The following LUZP2 variants were observed in gnomAD, a reference collection of about 807,000 sequenced individuals.
The protein encoded by LUZP2 is leucine zipper protein 2.
LUZP2 carries 52 observed loss-of-function variants against 51.6 expected under a neutral mutation model. The ratio of observed to expected loss-of-function variants is 1.01; its 90% confidence interval spans 0.81 to 1.27. The LOEUF (loss-of-function observed/expected upper bound fraction) is 1.27, where lower values mean the gene tolerates loss of function less well. Ranked by LOEUF, LUZP2 falls within the 50% of genes most tolerant of loss-of-function variation. The pLI, the probability that LUZP2 is intolerant of heterozygous loss-of-function variation, is 0.00. For missense variants in LUZP2, 436 were observed against 395.4 expected (o/e 1.10, Z -0.87); for synonymous variants, 154 against 137.3 (o/e 1.12, Z -0.85).
intron 1 of LUZP2, among the ~76,000 whole-genome samples, chr11:24,645,338 G>GT (rs1427240982): frequency 1.3e-5 from 2 of 152,128 alleles, no homozygotes; most frequent in Non-Finnish European, 2.9e-5. Flanking sequence ...TAACTCATTT[G>GT]TTTGAAGGCC....
At chr11:24,606,141 T>TTATGTG (rs1257201463) in intron 1 of LUZP2, among the ~76,000 whole-genome samples, 2 of 151,768 alleles carry the variant, frequency 1.3e-5, no homozygotes, top group Non-Finnish European at 3.0e-5. Flanking sequence ...TACCACACAT[T>TTATGTG]TATGTGTATG....
chr11:24,898,960 T>C (rs1853181391), intron 5 of LUZP2, among the ~76,000 whole-genome samples: 1 of 152,032 alleles, frequency 6.6e-6, no homozygotes, highest in South Asian at 2.1e-4. Flanking sequence ...AAAAGATTCT[T>C]TTCTACCTGT....
At chr11:24,574,224 CTTT>C (rs1318557172) in intron 1 of LUZP2, among the ~76,000 whole-genome samples, 1 of 1,772 alleles carries the variant, frequency 5.6e-4, no homozygotes, top group Non-Finnish European at 4.7e-3. Flanking sequence ...TTCTTTCTTT[CTTT>C]CTTTCTTTCT....
At chr11:24,877,538 C>T (rs1400144528) in intron 5 of LUZP2, among the ~76,000 whole-genome samples, 1 of 152,066 alleles carries the variant, frequency 6.6e-6, no homozygotes, top group African/African-American at 2.4e-5. Context: ...AAAGTAATCA[C>T]ATCATGGAAA....
chr11:24,981,756 C>G (rs576000444), intron 8 of LUZP2, among the ~76,000 whole-genome samples: 2 of 151,766 alleles, frequency 1.3e-5, no homozygotes, highest in East Asian at 3.9e-4. Flanking sequence ...GCTATGGCAA[C>G]GATTCTAAAT....
chr11:24,558,883 T>A (rs1379441931), intron 1 of LUZP2, among the ~76,000 whole-genome samples: 1 of 152,192 alleles, frequency 6.6e-6, no homozygotes, highest in Non-Finnish European at 1.5e-5. Flanking sequence ...TGGCTTGATC[T>A]TGGAATTTCC....
chr11:24,602,018 A>G (rs1454761609), intron 1 of LUZP2, among the ~76,000 whole-genome samples: 2 of 138,888 alleles, frequency 1.4e-5, no homozygotes, highest in Admixed American at 7.5e-5. Flanking sequence ...GTATATATGT[A>G]TATATGTGTA....
At chr11:24,965,251 A>C (rs1270374245) in intron 7 of LUZP2, among the ~76,000 whole-genome samples, 1 of 148,022 alleles carries the variant, frequency 6.8e-6, no homozygotes, top group Non-Finnish European at 1.5e-5. Context: ...ATGTAATTCA[A>C]GTTTATGAAT....
At chr11:24,919,973 A>C (rs1421088558) in intron 7 of LUZP2, among the ~76,000 whole-genome samples, 1 of 151,798 alleles carries the variant, frequency 6.6e-6, no homozygotes, top group Non-Finnish European at 1.5e-5. Flanking sequence ...TAAGTCCTAC[A>C]CAACCATGAC....
intron 9 of LUZP2, among the ~76,000 whole-genome samples, chr11:25,025,328 G>A (rs1213642436): frequency 6.6e-6 from 1 of 152,130 alleles, no homozygotes; most frequent in Admixed American, 6.5e-5. Context: ...CTTCTGCACA[G>A]CAAAAGAAAC....
intron 7 of LUZP2, among the ~76,000 whole-genome samples, chr11:24,928,653 G>C (rs929501823): frequency 6.6e-6 from 1 of 151,978 alleles, no homozygotes; most frequent in Non-Finnish European, 1.5e-5. Flanking sequence ...AAGGATTTTT[G>C]CATCTGTGTT....
chr11:24,907,500 G>A (rs1020901101), intron 6 of LUZP2, among the ~76,000 whole-genome samples: 8 of 151,746 alleles, frequency 5.3e-5, no homozygotes, highest in Admixed American at 2.6e-4. Flanking sequence ...TCATTTCTTT[G>A]TATTTTTCTA....
At chr11:24,658,184 G>T (rs1314243880) in intron 1 of LUZP2, among the ~76,000 whole-genome samples, 1 of 152,116 alleles carries the variant, frequency 6.6e-6, no homozygotes, top group East Asian at 1.9e-4. Flanking sequence ...ATGCTACAAG[G>T]CTACAGTAAC....
chr11:24,947,198 G>C (rs1275684035), intron 7 of LUZP2, among the ~76,000 whole-genome samples: 2 of 151,900 alleles, frequency 1.3e-5, no homozygotes, highest in Non-Finnish European at 2.9e-5. Flanking sequence ...TTTGAAAAAT[G>C]AGCATATTAT....
chr11:25,001,070 A>G (rs150326230), intron 9 of LUZP2, among the ~76,000 whole-genome samples: 1,847 of 152,284 alleles, frequency 0.012, 20 homozygotes, highest in Non-Finnish European at 0.017. Flanking sequence ...TCTGATTTCC[A>G]TAAGATTAGA....
At chr11:24,753,326 A>G (rs1334906612) in intron 4 of LUZP2, among the ~76,000 whole-genome samples, 1 of 152,206 alleles carries the variant, frequency 6.6e-6, no homozygotes, top group Non-Finnish European at 1.5e-5. Context: ...CTCGCTGGAC[A>G]TGCCACCCTT....
chr11:24,704,888 A>G (rs1287436061), intron 1 of LUZP2, among the ~76,000 whole-genome samples: 12 of 152,162 alleles, frequency 7.9e-5, no homozygotes, highest in Non-Finnish European at 1.0e-4. Context: ...TTAAACTTGA[A>G]ATAAAACCTT....
At chr11:24,705,326 C>A (rs1402966107) in intron 1 of LUZP2, among the ~76,000 whole-genome samples, 3 of 150,902 alleles carry the variant, frequency 2.0e-5, no homozygotes, top group African/African-American at 7.3e-5. Context: ...TCAAAATCAC[C>A]TTTTATTTGA....
At chr11:24,958,934 G>A (rs1210720283) in intron 7 of LUZP2, among the ~76,000 whole-genome samples, 1 of 152,078 alleles carries the variant, frequency 6.6e-6, no homozygotes, top group Non-Finnish European at 1.5e-5. Flanking sequence ...TTTTATATAA[G>A]GTAGTAAGGA....
Sources: gnomAD v4.1 joint callset for allele counts (sites outside exome capture counted in the v4.1 genomes callset) on GRCh38, gnomAD v4.1.1 for gene constraint, MANE v1.5 for transcripts, NCBI Gene and HGNC (gene_info 2026-07-23, HGNC 2026-07-21) for gene names.